The following STXBP3 variants were observed in gnomAD, a reference collection of about 807,000 sequenced individuals.
STXBP3 encodes the protein syntaxin binding protein 3.
A neutral mutation model predicts 85.7 loss-of-function variants in STXBP3; 41 were observed. That is an observed-to-expected ratio of 0.48 (90% confidence interval 0.37 to 0.62). The LOEUF is 0.62. STXBP3 is among the 20% of genes least tolerant of loss of function. STXBP3 has a pLI of 0.00. For synonymous variants in STXBP3, 229 were observed against 231.7 expected (o/e 0.99, Z 0.10); for missense variants, 563 against 703.1 (o/e 0.80, Z 2.25).
At chr1:108,805,161 A>T (rs573399179) in intron 17 of STXBP3, among the ~76,000 whole-genome samples, 8 of 152,254 alleles carry the variant, frequency 5.3e-5, no homozygotes, top group Non-Finnish European at 1.2e-4. Flanking sequence ...AAGCTTAGAA[A>T]TTGTTAGAAT....
chr1:108,776,189 C>A, intron 7 of STXBP3, 144 bp from the exon 8 acceptor site: 1 of 464,202 alleles, frequency 2.2e-6, no homozygotes, highest in Non-Finnish European at 3.6e-6. Context: ...GATACATTAT[C>A]TGAACTTTTA....
rs547545867 is a variant in STXBP3 at position 108,772,725 on chromosome 1, G to A, written c.499G>A (p.Ala167Thr). 3 of 1,603,646 alleles carry A rather than the reference G, an allele frequency of 1.9e-6. No individual in the cohort carries two copies. The highest frequency in any genetic ancestry group is 2.2e-5 in the South Asian group (2 of 89,766). ...YYCYSPDPGN[A>T]KGKDAIMETM... ...CTGTTATAGTCCAGACCCTGGTAAT[G>A]CAAAGGGAAAAGATGCCATTATGGA... The change falls in exon 7 of 19, where the codon GCA (alanine) becomes ACA (threonine). Residue 167 changes from alanine to threonine, a missense_variant. Coordinates refer to ENST00000370008, the MANE Select transcript of STXBP3 (RefSeq NM_007269.4).
Position 108,750,592 on chromosome 1 carries a change from A to G in STXBP3, c.50-1665A>G, listed in dbSNP as rs183107619. ...CCCCCTCACACCAACCAGTTCTCCA[A>G]CTCTGGACACCAGCTGTATTAGTGT... On this transcript the variant is annotated intron_variant, in intron 1 of 18. Coordinates refer to ENST00000370008, the MANE Select transcript of STXBP3 (RefSeq NM_007269.4). Among the ~76,000 whole-genome samples, 113 of 152,188 alleles carry G rather than the reference A, an allele frequency of 7.4e-4. 1 individual carries two copies. Among genetic ancestry groups the G allele is most frequent in the Non-Finnish European group, 1.8e-4 (12 of 67,992 alleles).
intron 2 of STXBP3, among the ~76,000 whole-genome samples, chr1:108,752,845 A>T (rs543648857): frequency 1.1e-4 from 16 of 152,316 alleles, no homozygotes; most frequent in African/African-American, 3.8e-4. Context: ...CTATGTTTCA[A>T]ATTAGAAATA....
At chr1:108,780,764 C>CTTTTTTTTTTTTT (rs36126153) in intron 9 of STXBP3, 1 of 137,094 alleles carries the variant, frequency 7.3e-6, no homozygotes, top group Non-Finnish European at 1.5e-5. Flanking sequence ...TTTAAATTTA[C>CTTTTTTTTTTTTT]TTTTTTTTTT....
rs182068912 is a variant in STXBP3 at position 108,773,542 on chromosome 1, A to T, written c.593+723A>T. ...AAGAAAGATTAATAAAAACAGGATC[A>T]TTTTTTTGCCCAGTTATTCTAGTTC... On this transcript the variant is annotated intron_variant, in intron 7 of 18. Transcript: ENST00000370008. Among the ~76,000 whole-genome samples the T allele has an allele frequency of 1.3e-3, 193 of 152,260 alleles. 1 individual carries two copies. Among genetic ancestry groups the T allele is most frequent in the South Asian group, 0.011 (53 of 4,834 alleles).
At chr1:108,759,304 A>G (rs990961802) in intron 5 of STXBP3, 1 of 152,150 alleles carries the variant, frequency 6.6e-6, no homozygotes, top group Admixed American at 6.5e-5. Context: ...CACCATAAGT[A>G]TTTGTAATGT....
intron 9 of STXBP3, 47 bp downstream of exon 9, chr1:108,779,457 A>AGAATAT (rs766745064): frequency 6.5e-7 from 1 of 1,538,264 alleles, no homozygotes. Context: ...CAAACAGGAT[A>AGAATAT]GAATATGAGC....
At chr1:108,804,926 T>C (rs1663299073) in intron 17 of STXBP3, among the ~76,000 whole-genome samples, 1 of 152,242 alleles carries the variant, frequency 6.6e-6, no homozygotes, top group South Asian at 2.1e-4. Flanking sequence ...CAGTTTACCA[T>C]TCTAGTATTT....
At chr1:108,801,869 A>T (rs944717100) in intron 17 of STXBP3, among the ~76,000 whole-genome samples, 18 of 151,906 alleles carry the variant, frequency 1.2e-4, no homozygotes, top group Admixed American at 2.6e-4. Context: ...GGGTCTCACT[A>T]TGTTGCCCAG....
At chr1:108,753,315 C>T in intron 3 of STXBP3, 171 bp downstream of exon 3, 1 of 368,068 alleles carries the variant, frequency 2.7e-6, no homozygotes, top group South Asian at 7.1e-5. Flanking sequence ...GTTTTTTTCC[C>T]TCAGCCGAGA....
In STXBP3 at chr1:108,807,660, T is replaced by A. The variant is rs577108572; in HGVS notation, c.1684+111T>A. 467 of 1,066,808 alleles carry A rather than the reference T, an allele frequency of 4.4e-4. 2 individuals are homozygous for A. The highest frequency in any genetic ancestry group is 1.9e-3 in the Admixed American group (64 of 34,332). The allele number at this position is 1,066,808 out of a possible 1,614,324, so 66.1% of individuals were successfully genotyped here. A position where few individuals can be genotyped will look rare whatever the true frequency, so the allele number is the denominator to read the frequency against. On this transcript the variant is annotated intron_variant, in intron 18 of 18. Transcript: ENST00000370008. ...GGCGCAATCTTGGCTCACCGCAACCTCCGCCTCCCAGGTTCAAGCGATTCT... is the reference window on the plus strand; with the variant it reads ...GGCGCAATCTTGGCTCACCGCAACCACCGCCTCCCAGGTTCAAGCGATTCT...
rs573387723 is a variant in STXBP3, at chr1:108,790,755, C to G, written c.964-2827C>G. On this transcript the variant is annotated intron_variant, in intron 11 of 18. Transcript: ENST00000370008. ...TATACTGGAAATTTAAAAATGTATTCTTACCCTAGTTTAATAGTATGTCCT... is the reference window on the plus strand; with the variant it reads ...TATACTGGAAATTTAAAAATGTATTGTTACCCTAGTTTAATAGTATGTCCT... Among the ~76,000 whole-genome samples the G allele has an allele frequency of 3.3e-5, 5 of 151,844 alleles. No individual in the cohort carries two copies. The South Asian group carries it at 1.0e-3, about 32-fold the overall frequency.
chr1:108,798,578 G>C (rs1454931741), intron 16 of STXBP3, among the ~76,000 whole-genome samples: 1 of 151,758 alleles, frequency 6.6e-6, no homozygotes, highest in Non-Finnish European at 1.5e-5. Flanking sequence ...ACCATGCCTG[G>C]CTAATTTTTG....
In STXBP3 at chr1:108,796,345, A is replaced by G. The variant is rs758307098; in HGVS notation, c.1222A>G (p.Ile408Val). The G allele has an allele frequency of 2.6e-6, 4 of 1,559,566 alleles. No individual in the cohort carries two copies. The African/African-American group carries it at 5.4e-5, about 21-fold the overall frequency. Reference sequence around the variant, plus strand: ...TGATAATTGTGATAAAATAAGAGCAATTCTACTTTATATCTTCAGTATTAA... The same window carrying G: ...TGATAATTGTGATAAAATAAGAGCAGTTCTACTTTATATCTTCAGTATTAA... ...NHDNCDKIRA[I>V]LLYIFSINGT... Residue 408 changes from isoleucine to valine, a missense_variant, in exon 14 of 19, where the codon ATT (isoleucine) becomes GTT (valine). Transcript: ENST00000370008.
intron 3 of STXBP3, among the ~76,000 whole-genome samples, chr1:108,754,326 A>G (rs998793566): frequency 6.6e-6 from 1 of 152,132 alleles, no homozygotes; most frequent in African/African-American, 2.4e-5. Flanking sequence ...GTAAGCCACC[A>G]TGCCCAGCCA....
intron 6 of STXBP3, among the ~76,000 whole-genome samples, chr1:108,765,698 G>A (rs1317246769): frequency 6.6e-6 from 1 of 150,522 alleles, no homozygotes; most frequent in Non-Finnish European, 1.5e-5. Flanking sequence ...AGCCTCCAGA[G>A]TAGCTGGGAT....
intron 11 of STXBP3, among the ~76,000 whole-genome samples, chr1:108,785,362 C>A (rs575421587): frequency 6.6e-6 from 1 of 152,306 alleles, no homozygotes; most frequent in African/African-American, 2.4e-5. Context: ...AAGCCACCAG[C>A]TTGCACCATC....
At chr1:108,761,200 C>A (rs754904167) in intron 6 of STXBP3, among the ~76,000 whole-genome samples, 7 of 152,096 alleles carry the variant, frequency 4.6e-5, no homozygotes, top group Non-Finnish European at 5.9e-5. Flanking sequence ...GCCACCACGC[C>A]CAGCTGATAC....
Sources: allele counts gnomAD v4.1 joint callset (sites outside exome capture counted in the v4.1 genomes callset), GRCh38; gene constraint gnomAD v4.1.1; transcripts MANE v1.5; gene names NCBI Gene and HGNC (gene_info 2026-07-23, HGNC 2026-07-21).